The following LHFPL3 variants were observed in gnomAD, a reference collection of about 807,000 sequenced individuals.
LHFPL3 encodes LHFPL tetraspan subfamily member 3.
LHFPL3 carries 5 observed loss-of-function variants against 19.3 expected under a neutral mutation model. The ratio of observed to expected loss-of-function variants is 0.26; its 90% CI spans 0.14 to 0.54. The LOEUF (loss-of-function observed/expected upper bound fraction) is 0.54. Among genes scored for constraint, LHFPL3 ranks in the 20% least tolerant of loss-of-function variants. The pLI is 0.94. For synonymous variants in LHFPL3, 133 were observed against 126.2 expected (o/e 1.05, Z -0.36); for missense variants, 249 against 307.4 (o/e 0.81, Z 1.42).
At chr7:104,601,320 T>A (rs1790962225) in intron 1 of LHFPL3, among the ~76,000 whole-genome samples, 1 of 152,206 alleles carries the variant, frequency 6.6e-6, no homozygotes, top group Non-Finnish European at 1.5e-5. Flanking sequence ...TCTTATGATT[T>A]TTTTAAGATC....
At chr7:104,824,607 TA>T (rs1383705004) in intron 2 of LHFPL3, among the ~76,000 whole-genome samples, 35 of 71,172 alleles carry the variant, frequency 4.9e-4, no homozygotes, top group African/African-American at 1.7e-3. Flanking sequence ...ATATTATATA[TA>T]ATTATATATA....
chr7:104,478,066 G>T (rs1793059652), intron 1 of LHFPL3, among the ~76,000 whole-genome samples: 1 of 152,132 alleles, frequency 6.6e-6, no homozygotes, highest in East Asian at 1.9e-4. Context: ...AAATGTCAGT[G>T]CTTTGTATTT....
chr7:104,374,682 T>C (rs542273242), intron 1 of LHFPL3, among the ~76,000 whole-genome samples: 3 of 152,250 alleles, frequency 2.0e-5, no homozygotes, highest in Admixed American at 1.3e-4. Flanking sequence ...GAACCCTGCC[T>C]TGATCTAATG....
At chr7:104,840,045 A>G (rs1250379274) in intron 2 of LHFPL3, among the ~76,000 whole-genome samples, 1 of 151,938 alleles carries the variant, frequency 6.6e-6, no homozygotes, top group East Asian at 1.9e-4. Flanking sequence ...GACAATTATA[A>G]TCAATAATTA....
At chr7:104,333,791 T>A (rs1801612740) in intron 1 of LHFPL3, among the ~76,000 whole-genome samples, 1 of 152,230 alleles carries the variant, frequency 6.6e-6, no homozygotes, top group Non-Finnish European at 1.5e-5. Context: ...CACATTTCCA[T>A]GTTTATTTAA....
chr7:104,860,521 C>T (rs1479951354), intron 2 of LHFPL3, among the ~76,000 whole-genome samples: 3 of 127,424 alleles, frequency 2.4e-5, no homozygotes, highest in African/African-American at 3.0e-5. Context: ...AAGGGCTGCC[C>T]TGGGGATGCC....
chr7:104,616,494 G>A (rs1185301284), intron 1 of LHFPL3, among the ~76,000 whole-genome samples: 1 of 152,004 alleles, frequency 6.6e-6, no homozygotes, highest in African/African-American at 2.4e-5. Context: ...AACTCAAGAT[G>A]GATTAAAGAC....
intron 1 of LHFPL3, among the ~76,000 whole-genome samples, chr7:104,505,452 T>C (rs1205284616): frequency 6.6e-6 from 1 of 152,142 alleles, no homozygotes; most frequent in African/African-American, 2.4e-5. Context: ...ATGAAGAGGA[T>C]AAAAAGTTGA....
chr7:104,527,785 T>C (rs949348564), intron 1 of LHFPL3, among the ~76,000 whole-genome samples: 9 of 152,188 alleles, frequency 5.9e-5, no homozygotes, highest in African/African-American at 1.9e-4. Flanking sequence ...TTCAGGTATA[T>C]GTCTGAATGA....
At chr7:104,618,751 A>G (rs1179929928) in intron 1 of LHFPL3, among the ~76,000 whole-genome samples, 1 of 152,226 alleles carries the variant, frequency 6.6e-6, no homozygotes, top group East Asian at 1.9e-4. Context: ...AACTTACAAG[A>G]TTCAGATTAT....
At chr7:104,403,292 C>T (rs1167475190) in intron 1 of LHFPL3, among the ~76,000 whole-genome samples, 2 of 152,210 alleles carry the variant, frequency 1.3e-5, no homozygotes, top group African/African-American at 4.8e-5. Context: ...GACCGTTGGA[C>T]CTGGGTCCTC....
chr7:104,479,906 T>C (rs866943372), intron 1 of LHFPL3, among the ~76,000 whole-genome samples: 41 of 152,338 alleles, frequency 2.7e-4, no homozygotes, highest in African/African-American at 9.4e-4. Flanking sequence ...AATTTCTCAT[T>C]GATCATCTCA....
intron 2 of LHFPL3, among the ~76,000 whole-genome samples, chr7:104,745,060 C>T (rs1197710224): frequency 6.6e-6 from 1 of 152,196 alleles, no homozygotes; most frequent in Non-Finnish European, 1.5e-5. Context: ...ATCTAATTAG[C>T]TTCTCAAACT....
chr7:104,599,340 G>A (rs1790921640), intron 1 of LHFPL3, among the ~76,000 whole-genome samples: 1 of 151,988 alleles, frequency 6.6e-6, no homozygotes, highest in South Asian at 2.1e-4. Context: ...CATTTTCATT[G>A]GTTTTCAAGT....
intron 1 of LHFPL3, among the ~76,000 whole-genome samples, chr7:104,459,459 G>A (rs576753844): frequency 3.9e-5 from 6 of 152,280 alleles, no homozygotes; most frequent in South Asian, 2.1e-4. Flanking sequence ...AGGAATATTC[G>A]TGTGAGGAAA....
chr7:104,651,394 G>A (rs1792031881), intron 1 of LHFPL3, among the ~76,000 whole-genome samples: 1 of 152,242 alleles, frequency 6.6e-6, no homozygotes, highest in Admixed American at 6.5e-5. Flanking sequence ...GGTGCTCGAA[G>A]GATTAACGAT....
At chr7:104,544,487 C>G (rs1562930264) in intron 1 of LHFPL3, among the ~76,000 whole-genome samples, 1 of 152,150 alleles carries the variant, frequency 6.6e-6, no homozygotes, top group East Asian at 1.9e-4. Context: ...GTTGTCCTCT[C>G]CCTTAGAAAT....
intron 1 of LHFPL3, among the ~76,000 whole-genome samples, chr7:104,729,050 C>T (rs1036969471): frequency 2.6e-5 from 4 of 152,166 alleles, no homozygotes; most frequent in Non-Finnish European, 5.9e-5. Flanking sequence ...AGAATTAACA[C>T]AGTGATATTT....
chr7:104,440,041 G>GC (rs1180976750), intron 1 of LHFPL3, among the ~76,000 whole-genome samples: 1 of 146,508 alleles, frequency 6.8e-6, no homozygotes, highest in Non-Finnish European at 1.5e-5. Flanking sequence ...AGCCTGGGGG[G>GC]GGGGAGGGAT....
Sources: gnomAD v4.1 joint callset for allele counts (sites outside exome capture counted in the v4.1 genomes callset) on GRCh38, gnomAD v4.1.1 for gene constraint, MANE v1.5 for transcripts, NCBI Gene and HGNC (gene_info 2026-07-23, HGNC 2026-07-21) for gene names.